EPHB1: variants seen among roughly 807,000 people sequenced by gnomAD.
EPHB1 encodes EPH receptor B1, also known as ephrin type-B receptor 1.
A neutral mutation model predicts 94.4 loss-of-function variants in EPHB1; 30 were observed. The ratio of observed to expected loss-of-function variants is 0.32; its 90% CI spans 0.24 to 0.43. The LOEUF is 0.43. Ranked by LOEUF, EPHB1 falls within the 20% of genes least tolerant of loss-of-function variation. The pLI is 1.00. For synonymous variants in EPHB1, 522 were observed against 489.1 expected (o/e 1.07, Z -0.89); for missense variants, 1,055 against 1,308.3 (o/e 0.81, Z 2.99).
intron 1 of EPHB1, among the ~76,000 whole-genome samples, chr3:134,838,747 C>T (rs1421610852): frequency 6.6e-6 from 1 of 152,096 alleles, no homozygotes; most frequent in Admixed American, 6.5e-5. Flanking sequence ...ATTAATAAGA[C>T]AAATCATGTC....
intron 3 of EPHB1, among the ~76,000 whole-genome samples, chr3:135,054,840 T>G (rs948374853): frequency 6.6e-6 from 1 of 152,226 alleles, no homozygotes; most frequent in Non-Finnish European, 1.5e-5. Flanking sequence ...TGTGTTATCC[T>G]CACCTTAAAA....
At chr3:134,938,226 C>T (rs3772659) in intron 2 of EPHB1, among the ~76,000 whole-genome samples, 4,309 of 152,252 alleles carry the variant, frequency 0.028, 129 homozygotes, top group African/African-American at 0.081. Flanking sequence ...GCTGAGGACC[C>T]CACTCCAGGC....
rs531898366 is a variant in EPHB1, at chr3:135,243,439, T to G, written c.2496+2142T>G. 4.6e-5 allele frequency among the ~76,000 whole-genome samples: 7 copies of G among 152,298 alleles called. No individual in the cohort carries two copies. The South Asian group carries it at 1.4e-3, about 32-fold the overall frequency. Reference sequence around the variant, plus strand: ...CTTCCTGGATATTTGACGTTTGAGATGGGTCTCAGAGGGAATAAGAACATC... The same window carrying G: ...CTTCCTGGATATTTGACGTTTGAGAGGGGTCTCAGAGGGAATAAGAACATC... On this transcript the variant is annotated intron_variant, in intron 13 of 15. Coordinates refer to ENST00000398015, the MANE Select transcript of EPHB1 (RefSeq NM_004441.5).
rs1942111375 is a variant in EPHB1, at chr3:135,180,011, T to C, written c.1882+29T>C. On this transcript the variant is annotated intron_variant, in intron 10 of 15. Coordinates refer to ENST00000398015, the MANE Select transcript of EPHB1 (RefSeq NM_004441.5). ...TGGCTCTTCCCTGTCTTGTTTCTGT[T>C]CTCCTGGTGTCCAAACATCTTCTTT... 15 of 1,612,444 alleles carry C rather than the reference T, an allele frequency of 9.3e-6. No individual in the cohort carries two copies. The East Asian group carries it at 3.1e-4, about 34-fold the overall frequency.
At chr3:135,136,886 A>G (rs1307198779) in intron 5 of EPHB1, among the ~76,000 whole-genome samples, 1 of 152,138 alleles carries the variant, frequency 6.6e-6, no homozygotes, top group Non-Finnish European at 1.5e-5. Flanking sequence ...TTTAAAATAG[A>G]CCAGATCAGG....
At chr3:135,041,140 C>T (rs1936826821) in intron 3 of EPHB1, among the ~76,000 whole-genome samples, 1 of 152,194 alleles carries the variant, frequency 6.6e-6, no homozygotes, top group African/African-American at 2.4e-5. Context: ...TGCATCCGCT[C>T]TGCAGTGTGT....
At chr3:135,076,243 A>ATG (rs1937910943) in intron 3 of EPHB1, among the ~76,000 whole-genome samples, 1 of 35,114 alleles carries the variant, frequency 2.8e-5, no homozygotes, top group South Asian at 1.0e-3. Flanking sequence ...GGATATATAT[A>ATG]TATATATATA....
intron 7 of EPHB1, among the ~76,000 whole-genome samples, chr3:135,164,110 A>T (rs1040345385): frequency 9.2e-5 from 14 of 152,196 alleles, no homozygotes; most frequent in African/African-American, 3.4e-4. Context: ...GAAGTTTTTA[A>T]TTTATAAAGA....
At chr3:135,179,633 A>C (rs540459829) in intron 9 of EPHB1, among the ~76,000 whole-genome samples, 1 of 152,328 alleles carries the variant, frequency 6.6e-6, no homozygotes, top group South Asian at 2.1e-4. Flanking sequence ...GCTCAAAAAA[A>C]GAAGAAAATA....
At chr3:135,224,162 TTAGAGCACA>T (rs1174586763) in intron 12 of EPHB1, among the ~76,000 whole-genome samples, 1 of 152,184 alleles carries the variant, frequency 6.6e-6, no homozygotes, top group Non-Finnish European at 1.5e-5. Context: ...CCCATTTAGG[TTAGAGCACA>T]TACACTCTAA....
intron 1 of EPHB1, among the ~76,000 whole-genome samples, chr3:134,925,561 G>A (rs994960324): frequency 2.0e-5 from 3 of 152,142 alleles, no homozygotes; most frequent in African/African-American, 4.8e-5. Flanking sequence ...TGGGGTCACC[G>A]GGGAGAGAGC....
chr3:134,818,360 C>G (rs991807659), intron 1 of EPHB1, among the ~76,000 whole-genome samples: 6 of 152,114 alleles, frequency 3.9e-5, no homozygotes, highest in Non-Finnish European at 7.4e-5. Context: ...TGGGGACAGT[C>G]ATAGTGTTTC....
chr3:134,898,156 C>T (rs2038122849), intron 1 of EPHB1, among the ~76,000 whole-genome samples: 1 of 152,170 alleles, frequency 6.6e-6, no homozygotes, highest in African/African-American at 2.4e-5. Context: ...TGGGGGGTGA[C>T]TGCACATGGG....
chr3:135,093,081 T>C (rs1350171783), intron 3 of EPHB1, among the ~76,000 whole-genome samples: 1 of 152,212 alleles, frequency 6.6e-6, no homozygotes, highest in Non-Finnish European at 1.5e-5. Context: ...ATAAAGGCAG[T>C]GACTAGCTGA....
chr3:134,934,235 C>T (rs925947452), intron 2 of EPHB1, among the ~76,000 whole-genome samples: 2 of 152,172 alleles, frequency 1.3e-5, no homozygotes, highest in South Asian at 2.1e-4. Flanking sequence ...ACAAAACACC[C>T]GAGGCACTTA....
intron 3 of EPHB1, among the ~76,000 whole-genome samples, chr3:135,078,755 G>T (rs1462307841): frequency 1.3e-5 from 2 of 152,198 alleles, no homozygotes; most frequent in Non-Finnish European, 2.9e-5. Flanking sequence ...AAATTCCAGT[G>T]ACAAAGGAAT....
chr3:135,049,144 G>T (rs941693696), intron 3 of EPHB1, among the ~76,000 whole-genome samples: 1 of 152,218 alleles, frequency 6.6e-6, no homozygotes, highest in Non-Finnish European at 1.5e-5. Flanking sequence ...GTGAGTTAGA[G>T]AGATGCCTTG....
chr3:135,195,365 G>C (rs1436211032), intron 11 of EPHB1, among the ~76,000 whole-genome samples: 1 of 151,758 alleles, frequency 6.6e-6, no homozygotes, highest in African/African-American at 2.4e-5. Flanking sequence ...TTAAGTTTTA[G>C]GGTACATGTG....
At chr3:134,899,743 T>C (rs924518609) in intron 1 of EPHB1, among the ~76,000 whole-genome samples, 2 of 152,208 alleles carry the variant, frequency 1.3e-5, no homozygotes, top group Admixed American at 6.5e-5. Flanking sequence ...GGCATGATCA[T>C]AGCTCACTGC....
Sources: gnomAD v4.1 joint callset for allele counts (sites outside exome capture counted in the v4.1 genomes callset) on GRCh38, gnomAD v4.1.1 for gene constraint, MANE v1.5 for transcripts, NCBI Gene and HGNC (gene_info 2026-07-23, HGNC 2026-07-21) for gene names.